Variants in ZNF37A observed in about 807,000 individuals in gnomAD.
The protein encoded by ZNF37A is zinc finger protein 37A, also known as zinc finger protein 37a (KOX 21).
ZNF37A carries 10 observed loss-of-function variants against 12.3 expected under a neutral mutation model. That is an observed-to-expected ratio of 0.82 (90% CI 0.50 to 1.38). ZNF37A has a LOEUF of 1.38. Ranked by LOEUF, ZNF37A falls within the 40% of genes most tolerant of loss-of-function variation. The pLI, the probability that ZNF37A is intolerant of heterozygous loss-of-function variation, is 0.00. For synonymous variants in ZNF37A, 207 were observed against 223.0 expected, an observed-to-expected ratio of 0.93 and a Z score of 0.64; for missense variants, 580 against 651.2, an observed-to-expected ratio of 0.89 and a Z score of 1.19.
At chr10:38,102,330 G>C (rs1373912505) in intron 5 of ZNF37A, among the ~76,000 whole-genome samples, 1 of 150,422 alleles carries the variant, frequency 6.6e-6, no homozygotes, top group African/African-American at 2.4e-5. Flanking sequence ...GTATTTCTTT[G>C]TATTCATTAT....
Position 38,112,778 on chromosome 10 carries a change from TTCTTTTCTTTTCTTTTCTTG to T in ZNF37A, c.16-1972_16-1953del, listed in dbSNP as rs1407594212. ...TTCTTTTCTTTTCTTTTCTTTTCTT[TTCTTTTCTTTTCTTTTCTTG>T]TCTTGTCTTGTCTTCTTTTCTTTTC... On this transcript the variant is annotated intron_variant, in intron 5 of 7. Transcript: ENST00000685332. Among the ~76,000 whole-genome samples the T allele has an allele frequency of 1.4e-3, 88 of 63,814 alleles. 21 individuals carry two copies. The highest frequency in any genetic ancestry group is 1.9e-3 in the African/African-American group (32 of 17,264). 41.9% of individuals were successfully genotyped at this position (63,814 alleles called of 152,430 possible). A position where few individuals can be genotyped will look rare whatever the true frequency, so the allele number is the denominator to read the frequency against.
At chr10:38,134,184 G>A (rs566215851) in intron 7 of ZNF37A, among the ~76,000 whole-genome samples, 26 of 152,162 alleles carry the variant, frequency 1.7e-4, no homozygotes, top group African/African-American at 4.3e-4. Flanking sequence ...TTAGCCATTC[G>A]TCCAATCTTC....
chr10:38,112,454 G>A (rs1464945161), intron 5 of ZNF37A, among the ~76,000 whole-genome samples: 2 of 151,730 alleles, frequency 1.3e-5, no homozygotes, highest in African/African-American at 2.4e-5. Context: ...TCATTTCAAG[G>A]TCTGATTGCA....
At chr10:38,096,138 G>T (rs1201195489) in intron 4 of ZNF37A, among the ~76,000 whole-genome samples, 2 of 152,092 alleles carry the variant, frequency 1.3e-5, no homozygotes, top group African/African-American at 4.8e-5. Context: ...TCCAGCCTGG[G>T]CAACAAACAG....
intron 5 of ZNF37A, among the ~76,000 whole-genome samples, chr10:38,100,108 C>T (rs983390438): frequency 6.6e-6 from 1 of 152,044 alleles, no homozygotes; most frequent in African/African-American, 2.4e-5. Flanking sequence ...ATAAAACCAG[C>T]AAGTTTTTAT....
intron 7 of ZNF37A, among the ~76,000 whole-genome samples, chr10:38,134,288 T>C (rs1365442938): frequency 4.6e-5 from 7 of 152,204 alleles, no homozygotes; most frequent in Non-Finnish European, 1.0e-4. Flanking sequence ...CCTTCTTCTC[T>C]CAACTCATCA....
downstream of ZNF37A, among the ~76,000 whole-genome samples, chr10:38,129,319 A>AAAAAAAAAAAAAAAAAAAAAAAAAAT: frequency 1.7e-5 from 2 of 116,228 alleles, 1 homozygote; most frequent in African/African-American, 7.3e-5. Flanking sequence ...AAAAAAAAAA[A>AAAAAAAAAAAAAAAAAAAAAAAAAAT]AAACTATTAT....
intron 7 of ZNF37A, among the ~76,000 whole-genome samples, chr10:38,145,526 C>T (rs1373880574): frequency 1.3e-5 from 2 of 152,142 alleles, no homozygotes; most frequent in Non-Finnish European, 2.9e-5. Context: ...ATTATCTCTA[C>T]ATTTTTCATA....
At chr10:38,108,638 A>G (rs1040134744) in intron 5 of ZNF37A, among the ~76,000 whole-genome samples, 5 of 152,246 alleles carry the variant, frequency 3.3e-5, no homozygotes, top group African/African-American at 1.2e-4. Context: ...GCAATAAAAA[A>G]TGATAAAGGG....
At position 38,095,223 on chromosome 10, in the gene ZNF37A, G is replaced by A. The variant is rs911786821; in HGVS notation, c.-199G>A. 2 of 152,362 alleles carry A rather than the reference G, an allele frequency of 1.3e-5. No homozygotes were observed. Among genetic ancestry groups the A allele is most frequent in the African/African-American group, 4.8e-5 (2 of 41,478 alleles). The allele number at this position is 152,362 out of a possible 1,614,324, so 9.4% of individuals were successfully genotyped here. Reference sequence around the variant, plus strand: ...GTCTTGGAGCAAAGCAGCTGTTGTGGGGTAAGAAGGGAAGGGTGGGGGGCG... The same window carrying A: ...GTCTTGGAGCAAAGCAGCTGTTGTGAGGTAAGAAGGGAAGGGTGGGGGGCG... On this transcript the variant is annotated splice_region_variant and 5_prime_UTR_variant, in exon 2 of 8. An upstream open reading frame in the 5' UTR gains an earlier in-frame stop. Transcript: ENST00000685332.
intron 5 of ZNF37A, among the ~76,000 whole-genome samples, chr10:38,105,146 C>T (rs781439763): frequency 6.6e-6 from 1 of 152,046 alleles, no homozygotes; most frequent in East Asian, 1.9e-4. Context: ...GCTGGGATTA[C>T]AGACATGTGC....
Position 38,123,450 on chromosome 10 carries a change from G to T in ZNF37A, c.*4613G>T, listed in dbSNP as rs1452111348. Reference sequence around the variant, plus strand: ...TCCAAAACGTATATGGCAGAAATATGGGCCTTGATGTGAGGACAGCATCAA... The same window carrying T: ...TCCAAAACGTATATGGCAGAAATATTGGCCTTGATGTGAGGACAGCATCAA... On this transcript the variant is annotated 3_prime_UTR_variant, in exon 8 of 8. Transcript: ENST00000685332. 6.6e-6 allele frequency: 1 copy of T among 151,882 alleles called. No homozygotes were observed. The highest frequency in any genetic ancestry group is 1.5e-5 in the Non-Finnish European group (1 of 67,984). The allele number at this position is 151,882 out of a possible 1,614,324, so 9.4% of individuals were successfully genotyped here. A position where few individuals can be genotyped will look rare whatever the true frequency, so the allele number is the denominator to read the frequency against.
Position 38,112,743 on chromosome 10 carries a change from T to TGG in ZNF37A, c.16-2012_16-2011insGG, listed in dbSNP as rs1564931846. ...TATTTTACATCCATTTTCTTTTCTT[T>TGG]TCTTTTCTTTTCTTTTCTTTTCTTT... On this transcript the variant is annotated intron_variant, in intron 5 of 7. Transcript: ENST00000685332. Among the ~76,000 whole-genome samples the TGG allele has an allele frequency of 2.7e-3, 190 of 70,504 alleles. 31 individuals carry two copies. The highest frequency in any genetic ancestry group is 0.014 in the Middle Eastern group (2 of 138). 46.3% of individuals were successfully genotyped at this position (70,504 alleles called of 152,430 possible). A position where few individuals can be genotyped will look rare whatever the true frequency, so the allele number is the denominator to read the frequency against.
intron 5 of ZNF37A, among the ~76,000 whole-genome samples, chr10:38,097,598 A>AAAAAAAAAAAAAAAAAAAAAAAAAC (rs2067254015): frequency 6.8e-6 from 1 of 146,524 alleles, no homozygotes; most frequent in Non-Finnish European, 1.5e-5. Flanking sequence ...AAAAAAAAAA[A>AAAAAAAAAAAAAAAAAAAAAAAAAC]AAAAAAAAAA....
chr10:38,148,696 T>C (rs1007591808), exon 8 of ZNF37A: 2 of 152,274 alleles, frequency 1.3e-5, no homozygotes, highest in Admixed American at 6.5e-5. Flanking sequence ...GAGAATGTCT[T>C]AGCCAGCTGC....
chr10:38,118,537 A>C lies in ZNF37A; in HGVS notation c.1386A>C (p.Thr462=). 6.2e-7 allele frequency: 1 copy of C among 1,614,006 alleles called. No individual in the cohort carries two copies. Among genetic ancestry groups the C allele is most frequent in the Admixed American group, 1.7e-5 (1 of 59,952 alleles). Residue 462 remains threonine, a synonymous_variant, in exon 8 of 8, where the codon ACA becomes ACC. Transcript: ENST00000685332. ...SGFTEHLRRH[T]GEKPFGCNEC... ...TCACAGAACATCTGAGAAGACACAC[A>C]GGGGAGAAACCTTTTGGATGTAATG...
chr10:38,116,479 TA>T (rs144328511), intron 7 of ZNF37A, among the ~76,000 whole-genome samples: 6,433 of 152,178 alleles, frequency 0.042, 188 homozygotes, highest in Non-Finnish European at 0.06. Flanking sequence ...AAACAATCAG[TA>T]TGAGATTATG....
chr10:38,121,343 T>C lies in ZNF37A; in HGVS notation c.*2506T>C, dbSNP rs2069684244. The stretch of plus-strand genomic sequence containing the variant: ...CACCAAGAGATGTTTATTAGGGCAA[T>C]CAAAAGATTTATTATTTTAAAAAAA... On this transcript the variant is annotated 3_prime_UTR_variant, in exon 8 of 8. Transcript: ENST00000685332. 1 of 152,220 alleles carries C rather than the reference T, an allele frequency of 6.6e-6. No individual in the cohort carries two copies. Among genetic ancestry groups the C allele is most frequent in the African/African-American group, 2.4e-5 (1 of 41,462 alleles). The allele number at this position is 152,220 out of a possible 1,614,324, so 9.4% of individuals were successfully genotyped here. A position where few individuals can be genotyped will look rare whatever the true frequency, so the allele number is the denominator to read the frequency against.
chr10:38,139,844 A>G (rs1194095256), intron 7 of ZNF37A: 2 of 152,204 alleles, frequency 1.3e-5, no homozygotes, highest in Non-Finnish European at 2.9e-5. Context: ...TACCAAATCT[A>G]GTGCAATAAG....
Sources: allele counts gnomAD v4.1 joint callset (sites outside exome capture counted in the v4.1 genomes callset), GRCh38; gene constraint gnomAD v4.1.1; transcripts MANE v1.5; gene names NCBI Gene and HGNC (gene_info 2026-07-23, HGNC 2026-07-21).